NLRP12: variants seen among roughly 807,000 people sequenced by gnomAD.
NLRP12 encodes the protein NLR family pyrin domain containing 12.
A neutral mutation model predicts 91.2 loss-of-function variants in NLRP12; 108 were observed. The ratio of observed to expected loss-of-function variants is 1.18; its 90% CI spans 1.01 to 1.39. NLRP12 has a LOEUF of 1.39. Ranked by LOEUF, NLRP12 falls within the 40% of genes most tolerant of loss-of-function variation. NLRP12 has a pLI of 0.00. For missense variants in NLRP12, 1,530 were observed against 1,352.7 expected (o/e 1.13, Z -2.06); for synonymous variants, 613 against 566.7 (o/e 1.08, Z -1.16).
Position 53,795,366 on chromosome 19 carries a change from C to A in NLRP12, c.3098+493G>T, listed in dbSNP as rs187834702. On this transcript the variant is annotated intron_variant, in intron 9 of 9. Coordinates refer to ENST00000324134, the MANE Select transcript of NLRP12 (RefSeq NM_144687.4). ...ATTGGTGAGCCACGATGGTCCCCTT[C>A]AACAGACAAGGAAATTTTTTTTTTT... 2.1e-5 allele frequency among the ~76,000 whole-genome samples: 3 copies of A among 139,692 alleles called. No individual in the cohort carries two copies. In the Admixed American group the frequency reaches 2.3e-4, roughly 11 times the overall value. The allele number at this position is 139,692 out of a possible 152,430, so 91.6% of individuals were successfully genotyped here. A position where few individuals can be genotyped will look rare whatever the true frequency, so the allele number is the denominator to read the frequency against.
rs2091913780 is a variant in NLRP12, at chr19:53,803,950, A to G, written c.2585+2T>C. On this transcript the variant is annotated splice_donor_variant, in intron 6 of 9. Transcript: ENST00000324134. LOFTEE classifies it high-confidence loss of function. ...TTATAGTTGACCCCAGGAAGAACTC[A>G]CCACAAAGTCCGTAGTCTGCAGACT... 6 of 1,613,904 alleles carry G rather than the reference A, an allele frequency of 3.7e-6. No homozygotes were observed. Among genetic ancestry groups the G allele is most frequent in the Non-Finnish European group, 5.1e-6 (6 of 1,179,818 alleles).
chr19:53,793,870 C>T lies in NLRP12; in HGVS notation c.*179G>A. Reference sequence around the variant, plus strand: ...GAAGTGCTAGGATTACATACATGAGCCACCACGCCTGGCCAGCTCTGTCAA... The same window carrying T: ...GAAGTGCTAGGATTACATACATGAGTCACCACGCCTGGCCAGCTCTGTCAA... On this transcript the variant is annotated 3_prime_UTR_variant, in exon 10 of 10. Coordinates refer to ENST00000324134, the MANE Select transcript of NLRP12 (RefSeq NM_144687.4). The T allele has an allele frequency of 1.5e-6, 1 of 684,340 alleles. No individual in the cohort carries two copies. Among genetic ancestry groups the T allele is most frequent in the Non-Finnish European group, 2.7e-6 (1 of 374,402 alleles). The allele number at this position is 684,340 out of a possible 1,614,324, so 42.4% of individuals were successfully genotyped here. A position where few individuals can be genotyped will look rare whatever the true frequency, so the allele number is the denominator to read the frequency against.
At chr19:53,796,675 C>T (rs1182729779) in intron 8 of NLRP12, among the ~76,000 whole-genome samples, 3 of 152,002 alleles carry the variant, frequency 2.0e-5, no homozygotes, top group South Asian at 2.1e-4. Flanking sequence ...TGAGCCACTA[C>T]GCCCAGCCTC....
chr19:53,802,323 G>C (rs945246699), intron 6 of NLRP12, among the ~76,000 whole-genome samples: 2 of 152,232 alleles, frequency 1.3e-5, no homozygotes, highest in Non-Finnish European at 2.9e-5. Flanking sequence ...CACCTGAAAA[G>C]ATGCTCAATC....
intron 8 of NLRP12, among the ~76,000 whole-genome samples, chr19:53,797,815 T>C (rs1600674053): frequency 6.6e-6 from 1 of 152,078 alleles, no homozygotes; most frequent in East Asian, 1.9e-4. Context: ...CTCGGCTCAC[T>C]GAAACCTCTA....
At chr19:53,797,741 ATTTT>A (rs544319440) in intron 8 of NLRP12, among the ~76,000 whole-genome samples, 1 of 139,466 alleles carries the variant, frequency 7.2e-6, no homozygotes, top group African/African-American at 2.7e-5. Flanking sequence ...TTAAATTTTA[ATTTT>A]TTTTTTTTTT....
intron 2 of NLRP12, 91 bp downstream of exon 2, chr19:53,814,817 C>A: frequency 9.9e-7 from 1 of 1,007,798 alleles, no homozygotes; most frequent in Non-Finnish European, 1.6e-6. Flanking sequence ...CCCACGAATT[C>A]CTCAATCACG....
chr19:53,817,194 C>A (rs558693830), intron 1 of NLRP12, among the ~76,000 whole-genome samples: 5 of 151,670 alleles, frequency 3.3e-5, no homozygotes, highest in African/African-American at 1.2e-4. Flanking sequence ...TTTGGGAGGC[C>A]GAGGCAGGTG....
intron 1 of NLRP12, among the ~76,000 whole-genome samples, chr19:53,820,949 C>G (rs530943968): frequency 1.6e-4 from 25 of 151,908 alleles, no homozygotes; most frequent in African/African-American, 6.0e-4. Flanking sequence ...TTGCTGAGCA[C>G]TTGCTACCTG....
At chr19:53,811,391 G>A (rs2092074250) in intron 2 of NLRP12, 103 bp from the exon 3 acceptor site, 3 of 1,339,246 alleles carry the variant, frequency 2.2e-6, no homozygotes, top group Non-Finnish European at 3.2e-6. Flanking sequence ...GTGTGTGCCT[G>A]TAGTTCCAGC....
chr19:53,813,443 A>G (rs895910438), intron 2 of NLRP12, among the ~76,000 whole-genome samples: 2 of 151,390 alleles, frequency 1.3e-5, no homozygotes, highest in Non-Finnish European at 2.9e-5. Context: ...CTCAGACTAC[A>G]GGTGCCTGCC....
Position 53,801,235 on chromosome 19 carries a change from C to T in NLRP12, c.2748G>A (p.Gln916=), listed in dbSNP as rs368633277. 355 of 1,613,886 alleles carry T rather than the reference C, an allele frequency of 2.2e-4. No individual in the cohort carries two copies. Among genetic ancestry groups the T allele is most frequent in the Admixed American group, 3.2e-4 (19 of 59,932 alleles). ...EGLRHPTCKL[Q]TLRLGICRLG... ...AGCAAAACGGGACTCACCGCAGGGT[C>T]TGGAGCTTGCACGTGGGATGCCTGA... The change falls in exon 7 of 10, where the codon CAG becomes CAA. Residue 916 remains glutamine (Q), a synonymous_variant. Transcript: ENST00000324134.
intron 9 of NLRP12, among the ~76,000 whole-genome samples, chr19:53,795,428 G>A (rs2091736320): frequency 6.6e-6 from 1 of 151,332 alleles, no homozygotes; most frequent in Non-Finnish European, 1.5e-5. Flanking sequence ...AGGCTGGAGT[G>A]CAGTGGTGTG....
In NLRP12 at chr19:53,798,272, T is replaced by C; in HGVS notation, c.2898A>G (p.Gln966=). Residue 966 remains glutamine, a synonymous_variant, in exon 8 of 10, where the codon CAA becomes CAG. Coordinates refer to ENST00000324134, the MANE Select transcript of NLRP12 (RefSeq NM_144687.4). Reference sequence around the variant, plus strand: ...GTTTCTGGAGTCTGCAGGCGGGATGTTGCAGCCCCTCAGCCAGCAACCACA... The same window carrying C: ...GTTTCTGGAGTCTGCAGGCGGGATGCTGCAGCCCCTCAGCCAGCAACCACA... ...WGLWLLAEGL[Q]HPACRLQKLW... is the part of the protein sequence containing the mutation. 6.2e-7 allele frequency: 1 copy of C among 1,614,184 alleles called. No individual in the cohort carries two copies. Among genetic ancestry groups the C allele is most frequent in the Non-Finnish European group, 8.5e-7 (1 of 1,180,042 alleles).
chr19:53,794,481 G>A (rs1466986603), intron 9 of NLRP12, among the ~76,000 whole-genome samples: 7 of 138,450 alleles, frequency 5.1e-5, no homozygotes, highest in Middle Eastern at 3.7e-3. Flanking sequence ...CACCACGCCC[G>A]GCTAATTTTT....
intron 6 of NLRP12, among the ~76,000 whole-genome samples, chr19:53,802,200 C>G (rs996167120): frequency 3.3e-5 from 5 of 151,944 alleles, no homozygotes; most frequent in Middle Eastern, 3.4e-3. Flanking sequence ...GCACTCCAGC[C>G]TGGGCAACAA....
rs1450260152 is a variant in NLRP12 at position 53,819,636 on chromosome 19, T to C, written c.289+4250A>G. Reference sequence around the variant, plus strand: ...ATGTATACGTATATACGCGTATATATGTATGTATACGTATATATATACACA... The same window carrying C: ...ATGTATACGTATATACGCGTATATACGTATGTATACGTATATATATACACA... On this transcript the variant is annotated intron_variant, in intron 1 of 9. Coordinates refer to ENST00000324134, the MANE Select transcript of NLRP12 (RefSeq NM_144687.4). Among the ~76,000 whole-genome samples the C allele has an allele frequency of 6.1e-4, 88 of 143,734 alleles. 21 individuals are homozygous for C. Among genetic ancestry groups the C allele is most frequent in the Admixed American group, 5.9e-3 (83 of 14,164 alleles). The allele number at this position is 143,734 out of a possible 152,430, so 94.3% of individuals were successfully genotyped here.
rs986353522 is a variant in NLRP12 at position 53,819,643 on chromosome 19, A to T, written c.289+4243T>A. Among the ~76,000 whole-genome samples, 22 of 137,166 alleles carry T rather than the reference A, an allele frequency of 1.6e-4. 6 individuals are homozygous for T. The highest frequency in any genetic ancestry group is 5.5e-4 in the African/African-American group (20 of 36,100). 90.0% of individuals were successfully genotyped at this position (137,166 alleles called of 152,430 possible). On this transcript the variant is annotated intron_variant, in intron 1 of 9. Transcript: ENST00000324134. Reference sequence around the variant, plus strand: ...CGTATATACGCGTATATATGTATGTATACGTATATATATACACATGTATAC... The same window carrying T: ...CGTATATACGCGTATATATGTATGTTTACGTATATATATACACATGTATAC...
intron 3 of NLRP12, among the ~76,000 whole-genome samples, chr19:53,809,325 G>A (rs1484939083): frequency 2.6e-5 from 4 of 151,320 alleles, no homozygotes; most frequent in Admixed American, 1.3e-4. Context: ...GAGGTCAAGA[G>A]ATCGAGACCA....
Sources: allele counts gnomAD v4.1 joint callset (sites outside exome capture counted in the v4.1 genomes callset), GRCh38; gene constraint gnomAD v4.1.1; transcripts MANE v1.5; gene names NCBI Gene and HGNC (gene_info 2026-07-23, HGNC 2026-07-21).